PTPRC: variants seen among roughly 807,000 people sequenced by gnomAD.
PTPRC encodes the protein protein tyrosine phosphatase receptor type C.
PTPRC carries 44 observed loss-of-function variants against 155.9 expected under a neutral mutation model. That is an observed-to-expected ratio of 0.28 (90% CI 0.22 to 0.36). The LOEUF (loss-of-function observed/expected upper bound fraction) is 0.36, where lower values mean the gene tolerates loss of function less well. Among genes scored for constraint, PTPRC ranks in the 10% least tolerant of loss-of-function variants. PTPRC has a pLI of 1.00. For missense variants in PTPRC, 1,401 were observed against 1,564.6 expected, an observed-to-expected ratio of 0.90 and a Z score of 1.76; for synonymous variants, 525 against 533.1, an observed-to-expected ratio of 0.98 and a Z score of 0.21.
rs771377149 is a variant in PTPRC, at chr1:198,735,212, G to C, written c.2363G>C (p.Arg788Thr). Residue 788 changes from arginine (R) to threonine (T), a missense_variant, in exon 23 of 33, where the codon AGA becomes ACA. By Grantham distance (71) the Arg-to-Thr change is moderately conservative. Transcript: ENST00000442510. ...DVVVKINQHK[R>T]CPDYIIQKLN... ...GTTGTAAAGATCAACCAGCACAAAA[G>C]ATGTCCAGATTACATCATTCAGAAA... is the stretch of plus-strand genomic sequence containing the variant. 6.2e-6 allele frequency: 10 copies of C among 1,604,268 alleles called. No homozygotes were observed. In the South Asian group the frequency reaches 1.1e-4, roughly 18 times the overall value.
chr1:198,722,065 T>A (rs1299506588), intron 14 of PTPRC, among the ~76,000 whole-genome samples: 1 of 151,226 alleles, frequency 6.6e-6, no homozygotes, highest in African/African-American at 2.4e-5. Context: ...TTTCCTTTTT[T>A]AATTAAATAT....
Position 198,742,002 on chromosome 1 carries a change from G to A in PTPRC, c.2537G>A (p.Ser846Asn). The change falls in exon 24 of 33, where the codon AGT becomes AAT. Residue 846 changes from serine to asparagine, a missense_variant. Transcript: ENST00000442510. ...GTGAATGCCTTCAGCAATTTCTTCAGTGGTCCCATTGTGGTGCACTGCAGG... is the reference window on the plus strand; with the variant it reads ...GTGAATGCCTTCAGCAATTTCTTCAATGGTCCCATTGTGGTGCACTGCAGG... ...RRVNAFSNFF[S>N]GPIVVHCSAG... is the part of the protein sequence containing the mutation. The A allele has an allele frequency of 6.2e-7, 1 of 1,611,512 alleles. No homozygotes were observed. The highest frequency in any genetic ancestry group is 8.5e-7 in the Non-Finnish European group (1 of 1,178,816).
intron 26 of PTPRC, among the ~76,000 whole-genome samples, chr1:198,744,546 T>C (rs1384447787): frequency 6.6e-6 from 1 of 151,890 alleles, no homozygotes; most frequent in East Asian, 1.9e-4. Context: ...TTAAAAATCG[T>C]ATCTGGTTTT....
At chr1:198,750,139 T>C (rs1033404347) in intron 28 of PTPRC, among the ~76,000 whole-genome samples, 1 of 151,992 alleles carries the variant, frequency 6.6e-6, no homozygotes, top group Non-Finnish European at 1.5e-5. Flanking sequence ...AGACACTAAT[T>C]AAAATTAGTA....
At chr1:198,714,741 G>A (rs945433868) in intron 12 of PTPRC, among the ~76,000 whole-genome samples, 16 of 152,130 alleles carry the variant, frequency 1.1e-4, no homozygotes, top group Admixed American at 9.8e-4. Context: ...TTATAGTATC[G>A]TTAAGGCAAC....
chr1:198,756,401 CA>C lies in PTPRC; in HGVS notation c.*221del. ...TTATTTTAAAATTTTATCTCTTATT[CA>C]GTAAAAAACAACTTCTTTGTAATCG... On this transcript the variant is annotated 3_prime_UTR_variant, in exon 33 of 33. Coordinates refer to ENST00000442510, the MANE Select transcript of PTPRC (RefSeq NM_002838.5). 1.7e-6 allele frequency: 1 copy of C among 596,238 alleles called. No individual in the cohort carries two copies. 36.9% of individuals were successfully genotyped at this position (596,238 alleles called of 1,614,324 possible). A position where few individuals can be genotyped will look rare whatever the true frequency, so the allele number is the denominator to read the frequency against.
chr1:198,667,456 A>T (rs1166799921), intron 2 of PTPRC, among the ~76,000 whole-genome samples: 1 of 152,228 alleles, frequency 6.6e-6, no homozygotes, highest in African/African-American at 2.4e-5. Context: ...AAGACTGAAA[A>T]AAAATAATTT....
At chr1:198,706,264 G>A (rs1263343569) in intron 8 of PTPRC, among the ~76,000 whole-genome samples, 2 of 152,140 alleles carry the variant, frequency 1.3e-5, no homozygotes, top group East Asian at 3.8e-4. Flanking sequence ...TCTGATCCCT[G>A]AGTAATTAAT....
Position 198,756,440 on chromosome 1 carries a change from ATGTATGTG to A in PTPRC, c.*266_*273del. 1 of 484,060 alleles carries A rather than the reference ATGTATGTG, an allele frequency of 2.1e-6. No homozygotes were observed. The highest frequency in any genetic ancestry group is 3.7e-6 in the Non-Finnish European group (1 of 267,856). The allele number at this position is 484,060 out of a possible 1,614,324, so 30.0% of individuals were successfully genotyped here. A position where few individuals can be genotyped will look rare whatever the true frequency, so the allele number is the denominator to read the frequency against. ...TTCTTTGTAATCGTTATGTGTGTATATGTATGTGTGTATGGGTGTGTGTTTGTGTGAGA... is the reference window on the plus strand; with the variant it reads ...TTCTTTGTAATCGTTATGTGTGTATATGTATGGGTGTGTGTTTGTGTGAGA... On this transcript the variant is annotated 3_prime_UTR_variant, in exon 33 of 33. Transcript: ENST00000442510.
Position 198,703,295 on chromosome 1 carries a change from CA to C in PTPRC, c.584-2del. On this transcript the variant is annotated splice_acceptor_variant, in intron 6 of 32. Transcript: ENST00000442510. LOFTEE classifies it high-confidence loss of function. ...TTTTATTCTTCTATTCATTTTCTTG[CA>C]GATGCCTACCTTAATGCCTCTGAAA... is the stretch of plus-strand genomic sequence containing the variant. The C allele has an allele frequency of 1.2e-6, 2 of 1,612,888 alleles. No homozygotes were observed. Among genetic ancestry groups the C allele is most frequent in the Non-Finnish European group, 1.7e-6 (2 of 1,180,016 alleles).
chr1:198,701,406 T>G (rs1666455555), intron 5 of PTPRC, among the ~76,000 whole-genome samples: 1 of 152,182 alleles, frequency 6.6e-6, no homozygotes, highest in African/African-American at 2.4e-5. Context: ...CTCACATCAT[T>G]GAACTGATGA....
At chr1:198,646,445 G>A (rs1241279729) in intron 2 of PTPRC, among the ~76,000 whole-genome samples, 1 of 151,764 alleles carries the variant, frequency 6.6e-6, no homozygotes, top group Non-Finnish European at 1.5e-5. Flanking sequence ...CATTTTCTGT[G>A]TGTAGTTTTG....
chr1:198,679,201 C>G, intron 2 of PTPRC: 1 of 200,174 alleles, frequency 5.0e-6, no homozygotes, highest in Admixed American at 4.6e-5. Context: ...GTAACGCTTT[C>G]TGGCCACTGG....
At chr1:198,697,211 C>T (rs1316847445) in intron 4 of PTPRC, among the ~76,000 whole-genome samples, 3 of 152,172 alleles carry the variant, frequency 2.0e-5, no homozygotes, top group Admixed American at 1.3e-4. Context: ...TCCCGCTTGG[C>T]TTCCCGCCAC....
intron 2 of PTPRC, among the ~76,000 whole-genome samples, chr1:198,688,713 G>C (rs1665766395): frequency 6.6e-6 from 1 of 152,140 alleles, no homozygotes; most frequent in Non-Finnish European, 1.5e-5. Context: ...GCCAAATTAT[G>C]ATTAAGATGC....
intron 2 of PTPRC, among the ~76,000 whole-genome samples, chr1:198,653,110 G>A (rs1170474241): frequency 1.3e-5 from 2 of 151,754 alleles, no homozygotes; most frequent in East Asian, 1.9e-4. Flanking sequence ...CAATTTAACT[G>A]TACATATCTT....
intron 26 of PTPRC, among the ~76,000 whole-genome samples, chr1:198,747,407 G>C (rs1453251468): frequency 6.6e-6 from 1 of 151,766 alleles, no homozygotes; most frequent in African/African-American, 2.4e-5. Context: ...GACTTTTTAT[G>C]CTATTTTGAG....
At chr1:198,694,587 A>G (rs865977612) in intron 3 of PTPRC, 1 of 986,662 alleles carries the variant, frequency 1.0e-6, no homozygotes, top group Middle Eastern at 5.2e-4. Flanking sequence ...TCTCAAAGCA[A>G]AAGGGATCAT....
At chr1:198,747,877 TAGTC>T (rs1655205678) in intron 26 of PTPRC, among the ~76,000 whole-genome samples, 1 of 151,844 alleles carries the variant, frequency 6.6e-6, no homozygotes, top group African/African-American at 2.4e-5. Flanking sequence ...GAAGGAGACA[TAGTC>T]TGTTACATAT....
Sources: allele counts gnomAD v4.1 joint callset (sites outside exome capture counted in the v4.1 genomes callset), GRCh38; gene constraint gnomAD v4.1.1; transcripts MANE v1.5; gene names NCBI Gene and HGNC (gene_info 2026-07-23, HGNC 2026-07-21).